The following TTN variants were observed in gnomAD, a reference collection of about 807,000 sequenced individuals.
TTN encodes the protein titin.
Under a neutral mutation model 3,223.0 loss-of-function variants are expected in TTN, and 1,525 were observed. The observed-to-expected ratio is 0.47, with a 90% CI of 0.45 to 0.49. TTN has a LOEUF of 0.49. Among genes scored for constraint, TTN ranks in the 20% least tolerant of loss-of-function variants. The pLI, the probability that TTN is intolerant of heterozygous loss-of-function variation, is 0.00. For synonymous variants in TTN, 14,094 were observed against 15,161.0 expected, an observed-to-expected ratio of 0.93 and a Z score of 5.17; for missense variants, 40,786 against 43,424.0, an observed-to-expected ratio of 0.94 and a Z score of 5.40.
At position 178,773,497 on chromosome 2, in the gene TTN, C is replaced by A. The variant is rs1173402678; in HGVS notation, c.7559G>T (p.Gly2520Val). Reference protein sequence around the residue: ...SDEGPYKLIVGRVETNCNLSV... With the variant: ...SDEGPYKLIVVRVETNCNLSV... The stretch of plus-strand genomic sequence containing the variant: ...GAGATTACAGTTGGTTTCAACTCTG[C>A]CAACTATCAGCTTGTAAGGTCCTTC... Residue 2520 changes from glycine (G) to valine (V), a missense_variant, in exon 32 of 363, where the codon GGC (glycine) becomes GTC (valine). Gly to Val is a moderately radical substitution (Grantham distance 109, BLOSUM62 -3). Coordinates refer to ENST00000589042, the MANE Select transcript of TTN (RefSeq NM_001267550.2). 6 of 1,613,872 alleles carry A rather than the reference C, an allele frequency of 3.7e-6. No individual in the cohort carries two copies. The highest frequency in any genetic ancestry group is 8.5e-7 in the Non-Finnish European group (1 of 1,179,956).
Position 178,547,896 on chromosome 2 carries a change from C to T in TTN, c.93730G>A (p.Ala31244Thr), listed in dbSNP as rs753663596. 3 of 1,613,716 alleles carry T rather than the reference C, an allele frequency of 1.9e-6. No homozygotes were observed. Among genetic ancestry groups the T allele is most frequent in the Non-Finnish European group, 2.5e-6 (3 of 1,179,842 alleles). ...TCCAGTTTCCATGTTACTTTGGGGGCAGGACGACCACTGATTGGTACGTCA... is the reference window on the plus strand; with the variant it reads ...TCCAGTTTCCATGTTACTTTGGGGGTAGGACGACCACTGATTGGTACGTCA... ...TIDVPISGRP[A>T]PKVTWKLEEM... The change falls in exon 339 of 363, where the codon GCC becomes ACC. Residue 31244 changes from alanine to threonine, a missense_variant. Ala to Thr is a moderately conservative substitution (Grantham distance 58). Coordinates refer to ENST00000589042, the MANE Select transcript of TTN (RefSeq NM_001267550.2).
chr2:178,547,348 A>G (rs767922190), intron 339 of TTN, 43 bp from the exon 340 acceptor site: 43 of 1,573,134 alleles, frequency 2.7e-5, no homozygotes, highest in Middle Eastern at 3.4e-4. Flanking sequence ...CAATTTTATA[A>G]AATTCAGGGG....
Position 178,634,718 on chromosome 2 carries a change from C to A in TTN, c.42151+5G>T. The A allele has an allele frequency of 6.2e-7, 1 of 1,612,962 alleles. No individual in the cohort carries two copies. The highest frequency in any genetic ancestry group is 8.5e-7 in the Non-Finnish European group (1 of 1,179,374). ...ACCCCTCCCCAAATTCTAAAAGCCCCATACCTTTTACTGTCAAAATGGCAG... is the reference window on the plus strand; with the variant it reads ...ACCCCTCCCCAAATTCTAAAAGCCCAATACCTTTTACTGTCAAAATGGCAG... On this transcript the variant is annotated splice_donor_5th_base_variant and intron_variant, in intron 229 of 362. Transcript: ENST00000589042. This position sits in a 1 kb window ranked among gnomAD's most constrained non-coding sequence, Gnocchi z 4.6.
rs1256940513 is a variant in TTN, at chr2:178,717,640, G to A, written c.25234C>T (p.His8412Tyr). The change falls in exon 87 of 363, where the codon CAT (histidine) becomes TAT (tyrosine). Residue 8412 changes from histidine (H) to tyrosine (Y), a missense_variant. Coordinates refer to ENST00000589042, the MANE Select transcript of TTN (RefSeq NM_001267550.2). ...DDANLQTSFV[H>Y]NVATLQILQT... ...AAAATCTGAAGAGTTGCTACATTAT[G>A]AACAAAAGATGTCTGCAAATTAGCA... 2 of 1,613,150 alleles carry A rather than the reference G, an allele frequency of 1.2e-6. No homozygotes were observed. Among genetic ancestry groups the A allele is most frequent in the African/African-American group, 1.3e-5 (1 of 74,880 alleles).
At chr2:178,765,980 AG>A (rs1485572913) in intron 41 of TTN, among the ~76,000 whole-genome samples, 1 of 152,132 alleles carries the variant, frequency 6.6e-6, no homozygotes, top group Non-Finnish European at 1.5e-5. Context: ...GAGTTCTCCC[AG>A]GCACTCCATA....
rs1060500536 is a variant in TTN, at chr2:178,562,193, A to G, written c.83939T>C (p.Leu27980Pro). 3.7e-6 allele frequency: 6 copies of G among 1,613,000 alleles called. No individual in the cohort carries two copies. The highest frequency in any genetic ancestry group is 5.1e-6 in the Non-Finnish European group (6 of 1,179,510). Residue 27980 changes from leucine (L) to proline (P), a missense_variant, in exon 326 of 363, where the codon CTT (leucine) becomes CCT (proline). Coordinates refer to ENST00000589042, the MANE Select transcript of TTN (RefSeq NM_001267550.2). Reference protein sequence around the residue: ...HTFNVKAREQLKIDVPFKGRP... With the variant: ...HTFNVKAREQPKIDVPFKGRP... ...TCCTTTGAATGGCACATCAATCTTA[A>G]GTTGTTCTCTAGCCTTTACATTGAA... is the stretch of plus-strand genomic sequence containing the variant.
At chr2:178,796,108 G>C (rs890408058) in intron 6 of TTN, among the ~76,000 whole-genome samples, 3 of 152,172 alleles carry the variant, frequency 2.0e-5, no homozygotes, top group African/African-American at 7.2e-5. Flanking sequence ...AGCATCAGTT[G>C]AAGAATTTGG....
At chr2:178,672,377 C>G in intron 154 of TTN, 30 bp downstream of exon 154, 1 of 1,601,532 alleles carries the variant, frequency 6.2e-7, no homozygotes, top group Non-Finnish European at 8.5e-7. Flanking sequence ...TGCAACAATA[C>G]ACGAAAATCC....
rs759939166 is a variant in TTN, at chr2:178,560,049, C to T, written c.86083G>A (p.Asp28695Asn). 9 of 1,613,694 alleles carry T rather than the reference C, an allele frequency of 5.6e-6. No individual in the cohort carries two copies. The Admixed American group carries it at 1.3e-4, about 24-fold the overall frequency. Reference protein sequence around the residue: ...GYTVEYKKSDDTDWKTSIQSL... With the variant: ...GYTVEYKKSDNTDWKTSIQSL... ...TGAATGGAAGTTTTCCAGTCAGTGT[C>T]ATCAGATTTTTTGTATTCTACAGTA... Residue 28695 changes from aspartate (D) to asparagine (N), a missense_variant, in exon 326 of 363, where the codon GAC (aspartate) becomes AAC (asparagine). Coordinates refer to ENST00000589042, the MANE Select transcript of TTN (RefSeq NM_001267550.2).
At chr2:178,761,948 G>A (rs1184498559) in intron 43 of TTN, among the ~76,000 whole-genome samples, 3 of 152,096 alleles carry the variant, frequency 2.0e-5, no homozygotes, top group Non-Finnish European at 4.4e-5. Flanking sequence ...TACATTTTAA[G>A]ATTCTGCTTT....
chr2:178,617,392 C>A lies in TTN; in HGVS notation c.47693G>T (p.Arg15898Leu). The change falls in exon 254 of 363, where the codon CGA becomes CTA. Residue 15898 changes from arginine to leucine, a missense_variant. By Grantham distance (102) the Arg-to-Leu change is moderately radical (BLOSUM62 -2). Coordinates refer to ENST00000589042, the MANE Select transcript of TTN (RefSeq NM_001267550.2). The stretch of plus-strand genomic sequence containing the variant: ...CCAATTATCTTTTCCTTCTTCGCAT[C>A]GCTCAATTATATAGCCTAATATTGG... The part of the protein sequence containing the change: ...GSPILGYIIE[R>L]CEEGKDNWIR... The A allele has an allele frequency of 6.3e-7, 1 of 1,589,344 alleles. No homozygotes were observed. The highest frequency in any genetic ancestry group is 8.5e-7 in the Non-Finnish European group (1 of 1,170,662).
intron 2 of TTN, among the ~76,000 whole-genome samples, chr2:178,803,592 GAA>G (rs948189728): frequency 6.6e-6 from 1 of 150,880 alleles, no homozygotes; most frequent in Non-Finnish European, 1.5e-5. Flanking sequence ...GCATATAATA[GAA>G]AAAAAGAGAA....
chr2:178,608,188 A>T lies in TTN; in HGVS notation c.52695T>A (p.His17565Gln). The change falls in exon 275 of 363, where the codon CAT becomes CAA. Residue 17565 changes from histidine to glutamine, a missense_variant. By Grantham distance (24) the His-to-Gln change is conservative. Coordinates refer to ENST00000589042, the MANE Select transcript of TTN (RefSeq NM_001267550.2). The stretch of plus-strand genomic sequence containing the variant: ...TAAGGAACTACTTACAGATTGGATC[A>T]TGTGCTGTTTTGGGATCTGAAGGTG... Reference protein sequence around the residue: ...FSPPSDPKTAHDPISPPGPPI... With the variant: ...FSPPSDPKTAQDPISPPGPPI... The T allele has an allele frequency of 6.2e-7, 1 of 1,602,684 alleles. No individual in the cohort carries two copies. Among genetic ancestry groups the T allele is most frequent in the Non-Finnish European group, 8.5e-7 (1 of 1,174,178 alleles).
rs752173646 is a variant in TTN at position 178,535,700 on chromosome 2, T to A, written c.100915A>T (p.Asn33639Tyr). Residue 33639 changes from asparagine to tyrosine, a missense_variant, in exon 358 of 363, where the codon AAT becomes TAT. Physicochemically the swap from Asn to Tyr is moderately radical, Grantham distance 143. Coordinates refer to ENST00000589042, the MANE Select transcript of TTN (RefSeq NM_001267550.2). ...GTGACAATAACTTGGTAGTGGCCAT[T>A]ATTGTCAATGAGATCTTGTCCTTTC... Reference protein sequence around the residue: ...WQKGQDLIDNNGHYQVIVTRS... With the variant: ...WQKGQDLIDNYGHYQVIVTRS... The A allele has an allele frequency of 6.2e-6, 10 of 1,613,688 alleles. No homozygotes were observed. The highest frequency in any genetic ancestry group is 1.7e-6 in the Non-Finnish European group (2 of 1,179,780).
Position 178,741,437 on chromosome 2 carries a change from C to T in TTN, c.11796G>A (p.Leu3932=), listed in dbSNP as rs768023445. The part of the protein sequence containing the change: ...ESAVAKSLEK[L]GGPCPPHFLK... ...GGAAGTGAGGAGGACAAGGACCTCC[C>T]AGCTTTTCCAGAGATTTTGCCACTG... The change falls in exon 48 of 363, where the codon CTG becomes CTA. Residue 3932 remains leucine (L), a synonymous_variant. Coordinates refer to ENST00000589042, the MANE Select transcript of TTN (RefSeq NM_001267550.2). The T allele has an allele frequency of 5.6e-6, 9 of 1,613,872 alleles. No homozygotes were observed. The highest frequency in any genetic ancestry group is 7.6e-6 in the Non-Finnish European group (9 of 1,179,836).
At position 178,534,383 on chromosome 2, in the gene TTN, C is replaced by T. The variant is rs1454101167; in HGVS notation, c.102232G>A (p.Glu34078Lys). 6.2e-7 allele frequency: 1 copy of T among 1,610,592 alleles called. No homozygotes were observed. The highest frequency in any genetic ancestry group is 1.1e-5 in the South Asian group (1 of 91,088). Reference protein sequence around the residue: ...LQHPWLKQKIERVSTKVIRTL... With the variant: ...LQHPWLKQKIKRVSTKVIRTL... ...CTGATAACTTTAGTACTGACTCTTT[C>T]TATCTTCTGCTTCAACCATGGGTGC... Residue 34078 changes from glutamate (E) to lysine (K), a missense_variant, in exon 358 of 363, where the codon GAA (glutamate) becomes AAA (lysine). Physicochemically the swap from Glu to Lys is moderately conservative, Grantham distance 56 (BLOSUM62 1). Transcript: ENST00000589042.
In TTN at chr2:178,723,235, G is replaced by A. The variant is rs761911665; in HGVS notation, c.21772C>T (p.Pro7258Ser). The A allele has an allele frequency of 6.2e-7, 1 of 1,613,584 alleles. No homozygotes were observed. Among genetic ancestry groups the A allele is most frequent in the Non-Finnish European group, 8.5e-7 (1 of 1,179,686 alleles). The change falls in exon 75 of 363, where the codon CCA becomes TCA. Residue 7258 changes from proline to serine, a missense_variant. Physicochemically the swap from Pro to Ser is moderately conservative, Grantham distance 74 (BLOSUM62 -1). Coordinates refer to ENST00000589042, the MANE Select transcript of TTN (RefSeq NM_001267550.2). Reference sequence around the variant, plus strand: ...TCCTTTTTCCAAGTGACAGAAATTGGAAGTGTTCCAGTGTAGGTGCTCTCC... The same window carrying A: ...TCCTTTTTCCAAGTGACAGAAATTGAAAGTGTTCCAGTGTAGGTGCTCTCC... The part of the protein sequence containing the change: ...ILESTYTGTL[P>S]ISVTWKKDGF...
intron 295 of TTN, among the ~76,000 whole-genome samples, chr2:178,594,956 T>C (rs1468856209): frequency 6.6e-6 from 1 of 151,882 alleles, no homozygotes; most frequent in East Asian, 1.9e-4. Flanking sequence ...AAGTGGGAAA[T>C]TAAAAAAAAA....
In TTN at chr2:178,722,448, G is replaced by A. The variant is rs749750693; in HGVS notation, c.22339C>T (p.Pro7447Ser). 2.5e-6 allele frequency: 4 copies of A among 1,613,304 alleles called. No individual in the cohort carries two copies. Among genetic ancestry groups the A allele is most frequent in the Non-Finnish European group, 8.5e-7 (1 of 1,179,550 alleles). Reference sequence around the variant, plus strand: ...TCTCTATACCAGCACACTTGGATGGGTGCAGAGCCATTTAATCGACAAGTG... The same window carrying A: ...TCTCTATACCAGCACACTTGGATGGATGCAGAGCCATTTAATCGACAAGTG... ...TLTCRLNGSAPIQVCWYRDGV... is the reference protein window; with the variant it reads ...TLTCRLNGSASIQVCWYRDGV... The change falls in exon 77 of 363, where the codon CCC becomes TCC. Residue 7447 changes from proline to serine, a missense_variant. By Grantham distance (74) the Pro-to-Ser change is moderately conservative (BLOSUM62 -1). Transcript: ENST00000589042.
Sources: allele counts gnomAD v4.1 joint callset (sites outside exome capture counted in the v4.1 genomes callset), GRCh38; gene constraint gnomAD v4.1.1; non-coding constraint Gnocchi (gnomAD v3.1); transcripts MANE v1.5; gene names NCBI Gene and HGNC (gene_info 2026-07-23, HGNC 2026-07-21).